The following KANK1 variants were observed in gnomAD, a reference collection of about 807,000 sequenced individuals.
KANK1 encodes KN motif and ankyrin repeat domain-containing protein 1.
A neutral mutation model predicts 106.2 loss-of-function variants in KANK1; 109 were observed. The observed-to-expected ratio is 1.03, with a 90% confidence interval of 0.88 to 1.20. The LOEUF is 1.20. Ranked by LOEUF, KANK1 falls within the 50% of genes most tolerant of loss-of-function variation. The probability of loss-of-function intolerance (pLI) is 0.00; values close to 1 mark genes in which losing one functional copy is unlikely to be tolerated. For synonymous variants in KANK1, 873 were observed against 652.2 expected (o/e 1.34, Z -5.16); for missense variants, 2,399 against 1,710.7 (o/e 1.40, Z -7.10).
intron 3 of KANK1, chr9:484,315 C>T (rs1017547907): frequency 6.6e-6 from 1 of 152,232 alleles, no homozygotes; most frequent in Non-Finnish European, 1.5e-5. Context: ...CTTCTCTGAA[C>T]CATTGCTCAC....
intron 1 of KANK1, among the ~76,000 whole-genome samples, chr9:667,351 T>C (rs1202401334): frequency 6.6e-6 from 1 of 152,084 alleles, no homozygotes. Flanking sequence ...GTCAGTTTTT[T>C]TTTAACTAAA....
chr9:545,060 T>C (rs1261996034), intron 1 of KANK1, among the ~76,000 whole-genome samples: 2 of 151,646 alleles, frequency 1.3e-5, no homozygotes, highest in African/African-American at 2.4e-5. Context: ...AAATGGCGGC[T>C]GAGGAGGAGA....
chr9:552,474 G>T (rs1267669269), intron 1 of KANK1, among the ~76,000 whole-genome samples: 1 of 152,158 alleles, frequency 6.6e-6, no homozygotes, highest in Non-Finnish European at 1.5e-5. Flanking sequence ...ATGTCTAGAA[G>T]ATTCTTAAGT....
At chr9:489,549 G>T (rs1390759633) in intron 3 of KANK1, among the ~76,000 whole-genome samples, 1 of 152,176 alleles carries the variant, frequency 6.6e-6, no homozygotes, top group African/African-American at 2.4e-5. Context: ...CCTTGAAACT[G>T]GCCCAGATTT....
rs1394200982 is a variant in KANK1, at chr9:711,092, C to T, written c.326C>T (p.Ala109Val). ...DNKQCPNFLIARSQVTSTPIS... is the reference protein window; with the variant it reads ...DNKQCPNFLIVRSQVTSTPIS... ...AAGCAGTGCCCCAACTTCCTCATAG[C>T]CAGAAGTCAAGTTACATCAACTCCA... The change falls in exon 3 of 12, where the codon GCC (alanine) becomes GTC (valine). Residue 109 changes from alanine to valine, a missense_variant. Physicochemically the swap from Ala to Val is moderately conservative, Grantham distance 64 (BLOSUM62 0). Transcript: ENST00000382297. 5 of 1,614,050 alleles carry T rather than the reference C, an allele frequency of 3.1e-6. No individual in the cohort carries two copies. The highest frequency in any genetic ancestry group is 1.7e-5 in the Admixed American group (1 of 60,002).
chr9:596,759 T>C (rs1203062968), intron 1 of KANK1, among the ~76,000 whole-genome samples: 3 of 151,818 alleles, frequency 2.0e-5, no homozygotes, highest in Admixed American at 2.0e-4. Flanking sequence ...TCACATAATA[T>C]AACAATAGGC....
chr9:666,396 C>A, intron 1 of KANK1, among the ~76,000 whole-genome samples: 1 of 151,874 alleles, frequency 6.6e-6, no homozygotes, highest in Admixed American at 6.6e-5. Flanking sequence ...CGTTTACATT[C>A]AAAGCGAATT....
intron 1 of KANK1, among the ~76,000 whole-genome samples, chr9:606,636 ATATT>A (rs1227228841): frequency 4.5e-5 from 3 of 67,116 alleles, no homozygotes; most frequent in African/African-American, 9.2e-5. Flanking sequence ...ATATTTATAT[ATATT>A]ACATATATAT....
chr9:557,356 C>G (rs911493771), intron 1 of KANK1, among the ~76,000 whole-genome samples: 5 of 152,166 alleles, frequency 3.3e-5, no homozygotes, highest in Non-Finnish European at 7.4e-5. Context: ...ATTGTTGAAG[C>G]TTAGTGATGG....
intron 1 of KANK1, among the ~76,000 whole-genome samples, chr9:575,203 C>T (rs1470556367): frequency 1.3e-5 from 2 of 152,230 alleles, no homozygotes; most frequent in Non-Finnish European, 1.5e-5. Flanking sequence ...GTCCTTAAAA[C>T]TGCATAGTAA....
intron 1 of KANK1, among the ~76,000 whole-genome samples, chr9:556,594 C>T (rs1016874225): frequency 2.0e-5 from 3 of 152,156 alleles, no homozygotes; most frequent in Non-Finnish European, 2.9e-5. Flanking sequence ...CTTCATTGAT[C>T]CAAAGTGAGA....
At chr9:638,179 T>C (rs932015326) in intron 1 of KANK1, among the ~76,000 whole-genome samples, 2 of 152,232 alleles carry the variant, frequency 1.3e-5, no homozygotes, top group Non-Finnish European at 2.9e-5. Context: ...TTGAATAGTT[T>C]CTTAGCCCAT....
chr9:507,807 C>T lies in KANK1; in HGVS notation c.-84+3053C>T, dbSNP rs183020228. Among the ~76,000 whole-genome samples the T allele has an allele frequency of 4.6e-5, 7 of 152,186 alleles. No individual in the cohort carries two copies. The East Asian group carries it at 7.7e-4, about 17-fold the overall frequency. ...TCTTGACATCGTGATGTGCCCACCT[C>T]GGCCTCTCAAAGTGTCAGGATTACA... On this transcript the variant is annotated intron_variant, in intron 1 of 11. Transcript: ENST00000382297.
chr9:644,394 A>G (rs1195084595), intron 1 of KANK1, among the ~76,000 whole-genome samples: 1 of 150,888 alleles, frequency 6.6e-6, no homozygotes, highest in East Asian at 1.9e-4. Context: ...AATACTGGAG[A>G]CTGGGCAATT....
At chr9:535,417 A>T (rs1175124172) in intron 1 of KANK1, among the ~76,000 whole-genome samples, 1 of 152,158 alleles carries the variant, frequency 6.6e-6, no homozygotes, top group Non-Finnish European at 1.5e-5. Context: ...TTCTCTCCAG[A>T]TAGAGAAATA....
chr9:668,596 C>T (rs1188514088), intron 1 of KANK1, among the ~76,000 whole-genome samples: 2 of 151,886 alleles, frequency 1.3e-5, no homozygotes, highest in Admixed American at 1.3e-4. Flanking sequence ...TTCTCTGGTA[C>T]TATGTTTTAA....
intron 1 of KANK1, among the ~76,000 whole-genome samples, chr9:613,135 G>A (rs1172373936): frequency 6.6e-6 from 1 of 152,028 alleles, no homozygotes; most frequent in Non-Finnish European, 1.5e-5. Context: ...AAGTAGACCA[G>A]AATAGGCCAG....
chr9:524,778 A>G (rs2059708011), intron 1 of KANK1, among the ~76,000 whole-genome samples: 1 of 151,394 alleles, frequency 6.6e-6, no homozygotes, highest in Admixed American at 6.6e-5. Context: ...TGGTCTTCCA[A>G]AGTGCTGGGA....
intron 3 of KANK1, among the ~76,000 whole-genome samples, chr9:716,639 C>T (rs1827780165): frequency 6.6e-6 from 1 of 152,116 alleles, no homozygotes; most frequent in African/African-American, 2.4e-5. Context: ...TTCATTTCTC[C>T]TAGAGTTGAA....
Sources: allele counts gnomAD v4.1 joint callset (sites outside exome capture counted in the v4.1 genomes callset), GRCh38; gene constraint gnomAD v4.1.1; transcripts MANE v1.5; gene names NCBI Gene and HGNC (gene_info 2026-07-23, HGNC 2026-07-21).